GASK1A: variants seen among roughly 807,000 people sequenced by gnomAD.
GASK1A encodes Golgi-associated kinase 1A.
In GASK1A, 40 loss-of-function variants were observed where a neutral mutation model predicts 41.2. The observed-to-expected ratio is 0.97, with a 90% CI of 0.75 to 1.27. The LOEUF (loss-of-function observed/expected upper bound fraction) is 1.27. Ranked by LOEUF, GASK1A falls within the 50% of genes most tolerant of loss-of-function variation. GASK1A has a pLI of 0.00. For synonymous variants in GASK1A, 316 were observed against 307.1 expected (o/e 1.03, Z -0.30); for missense variants, 678 against 745.1 (o/e 0.91, Z 1.05).
intron 1 of GASK1A, among the ~76,000 whole-genome samples, chr3:42,989,297 A>G (rs2125673337): frequency 6.6e-6 from 1 of 152,158 alleles, no homozygotes; most frequent in East Asian, 1.9e-4. Flanking sequence ...GGGTCCTCAC[A>G]TTTGCTTTCT....
At chr3:43,048,175 C>G (rs1483124120) in intron 2 of GASK1A, among the ~76,000 whole-genome samples, 1 of 152,158 alleles carries the variant, frequency 6.6e-6, no homozygotes, top group Non-Finnish European at 1.5e-5. Context: ...CAGAGACTTG[C>G]TAGTTTTAGA....
intron 1 of GASK1A, among the ~76,000 whole-genome samples, chr3:42,990,186 A>G (rs62249014): frequency 0.16 from 24,266 of 151,136 alleles, 2,070 homozygotes; most frequent in Non-Finnish European, 0.19. Context: ...TTATGTAGAG[A>G]GAGACCCTAT....
At chr3:43,037,255 C>G in intron 2 of GASK1A, 1 of 1,007,810 alleles carries the variant, frequency 9.9e-7, no homozygotes, top group South Asian at 1.3e-5. Context: ...GAAAATGGAG[C>G]GATGGCCGAG....
rs1553613226 is a variant in GASK1A at position 42,984,296 on chromosome 3, A to ATCCC, written c.3+4653_3+4654insCCTC. On this transcript the variant is annotated intron_variant, in intron 1 of 4. Coordinates refer to ENST00000430121, the MANE Select transcript of GASK1A (RefSeq NM_001129908.3). This position sits in a 1 kb window ranked among gnomAD's most constrained non-coding sequence, Gnocchi z 4.2. ...CTTCTTTATGTGGATTTCACTTCCT[A>ATCCC]TCTCTCTCTCTCTCTCTTTCTCTCT... Among the ~76,000 whole-genome samples the ATCCC allele has an allele frequency of 6.7e-6, 1 of 149,630 alleles. No homozygotes were observed. Among genetic ancestry groups the ATCCC allele is most frequent in the Non-Finnish European group, 1.5e-5 (1 of 67,430 alleles).
chr3:42,979,666 C>T (rs1044932598), intron 1 of GASK1A, 21 bp downstream of exon 1: 13 of 1,245,760 alleles, frequency 1.0e-5, no homozygotes, highest in African/African-American at 1.6e-5. Context: ...CGGGAAGGAA[C>T]GCGCGAGCGG....
intron 1 of GASK1A, among the ~76,000 whole-genome samples, chr3:42,993,668 G>A (rs2089353962): frequency 6.6e-6 from 1 of 151,766 alleles, no homozygotes; most frequent in Admixed American, 6.6e-5. Context: ...TGTGTCTGGG[G>A]GAGTGACAGA....
At chr3:43,005,162 A>G (rs1291697385) in intron 1 of GASK1A, among the ~76,000 whole-genome samples, 1 of 152,054 alleles carries the variant, frequency 6.6e-6, no homozygotes, top group Non-Finnish European at 1.5e-5. Context: ...ATCTAGGATA[A>G]TCTCCCCATT....
In GASK1A at chr3:43,014,210, CA is replaced by C. The variant is rs370036291; in HGVS notation, c.4-18056del. On this transcript the variant is annotated intron_variant, in intron 1 of 4. Transcript: ENST00000430121. ...GGCTGTGTGAAGTCACAGGTAGGGA[CA>C]GGGGGTAGTCACAGGAAGGTGCTGT... is the stretch of plus-strand genomic sequence containing the variant. Among the ~76,000 whole-genome samples, 406 of 150,186 alleles carry C rather than the reference CA, an allele frequency of 2.7e-3. 4 individuals carry two copies. The highest frequency in any genetic ancestry group is 9.3e-3 in the African/African-American group (378 of 40,652).
intron 1 of GASK1A, among the ~76,000 whole-genome samples, chr3:43,026,112 T>C (rs1184319648): frequency 3.3e-5 from 5 of 152,112 alleles, no homozygotes; most frequent in Non-Finnish European, 7.3e-5. Flanking sequence ...CCCCCGCTTG[T>C]CTGCAAAAGA....
chr3:43,039,183 C>T (rs962563348), intron 2 of GASK1A, among the ~76,000 whole-genome samples: 3 of 149,030 alleles, frequency 2.0e-5, no homozygotes, highest in Non-Finnish European at 3.0e-5. Context: ...CACAATCTGC[C>T]ACCAGGTAGT....
intron 1 of GASK1A, among the ~76,000 whole-genome samples, chr3:42,997,445 G>C (rs1006101910): frequency 9.2e-5 from 14 of 151,538 alleles, no homozygotes; most frequent in African/African-American, 2.7e-4. Flanking sequence ...AGAGGGGGGG[G>C]GGATCTGGGA....
intron 1 of GASK1A, among the ~76,000 whole-genome samples, chr3:42,992,178 C>T (rs1437207420): frequency 3.3e-5 from 5 of 152,190 alleles, no homozygotes. Flanking sequence ...TCCTGGTTCA[C>T]ACTCACTTCC....
At chr3:43,021,717 T>G (rs1224056269) in intron 1 of GASK1A, among the ~76,000 whole-genome samples, 4 of 152,050 alleles carry the variant, frequency 2.6e-5, no homozygotes, top group Non-Finnish European at 4.4e-5. Context: ...GGCAGAGAGG[T>G]TGTGTGACTT....
chr3:43,009,067 A>G (rs970478593), intron 1 of GASK1A, among the ~76,000 whole-genome samples: 1 of 152,230 alleles, frequency 6.6e-6, no homozygotes, highest in African/African-American at 2.4e-5. Context: ...ACATTAAAAT[A>G]TGTTGAATCC....
At chr3:43,022,327 A>C (rs1246589998) in intron 1 of GASK1A, among the ~76,000 whole-genome samples, 1 of 152,136 alleles carries the variant, frequency 6.6e-6, no homozygotes, top group African/African-American at 2.4e-5. Context: ...ACAACTGCAC[A>C]ACTGCCAACT....
chr3:43,023,373 G>A (rs1441171711), intron 1 of GASK1A, among the ~76,000 whole-genome samples: 2 of 152,192 alleles, frequency 1.3e-5, no homozygotes, highest in African/African-American at 4.8e-5. Flanking sequence ...GGAACTTCTG[G>A]CCTCCAGAAC....
chr3:43,053,860 T>TGGGGTGG, intron 3 of GASK1A: 1 of 674,164 alleles, frequency 1.5e-6, no homozygotes. Flanking sequence ...AGGAGGGGTG[T>TGGGGTGG]GGGGTGGGGG....
Position 43,056,888 on chromosome 3 carries a change from TACTC to T in GASK1A, c.*504_*507del, listed in dbSNP as rs1338562578. The stretch of plus-strand genomic sequence containing the variant: ...TTATAGACTTTAAATTTTCAATTAT[TACTC>T]AGTTATGTTTTTGGTTTAAAAAATT... On this transcript the variant is annotated 3_prime_UTR_variant, in exon 5 of 5. Coordinates refer to ENST00000430121, the MANE Select transcript of GASK1A (RefSeq NM_001129908.3). 1.3e-5 allele frequency: 2 copies of T among 152,430 alleles called. No individual in the cohort carries two copies. The highest frequency in any genetic ancestry group is 2.1e-4 in the South Asian group (1 of 4,826). 9.4% of individuals were successfully genotyped at this position (152,430 alleles called of 1,614,324 possible). A position where few individuals can be genotyped will look rare whatever the true frequency, so the allele number is the denominator to read the frequency against.
At chr3:43,003,388 G>A (rs965832575) in intron 1 of GASK1A, among the ~76,000 whole-genome samples, 3 of 151,988 alleles carry the variant, frequency 2.0e-5, no homozygotes, top group East Asian at 1.9e-4. Context: ...CCAGCTACTC[G>A]GGAGGGTGAA....
Sources: allele counts gnomAD v4.1 joint callset (sites outside exome capture counted in the v4.1 genomes callset), GRCh38; gene constraint gnomAD v4.1.1; non-coding constraint Gnocchi (gnomAD v3.1); transcripts MANE v1.5; gene names NCBI Gene and HGNC (gene_info 2026-07-23, HGNC 2026-07-21).